Variants in CPEB3 observed in about 807,000 individuals in gnomAD.
CPEB3 encodes the protein cytoplasmic polyadenylation element binding protein 3.
Under a neutral mutation model 67.2 loss-of-function variants are expected in CPEB3, and 20 were observed. That is an observed-to-expected ratio of 0.30 (90% CI 0.21 to 0.43). CPEB3 has a LOEUF of 0.43. CPEB3 is among the 20% of genes least tolerant of loss of function. CPEB3 has a pLI of 1.00. For missense variants in CPEB3, 746 were observed against 968.6 expected (o/e 0.77, Z 3.05); for synonymous variants, 376 against 393.1 (o/e 0.96, Z 0.51).
At chr10:92,172,213 T>A (rs368760912) in intron 4 of CPEB3, among the ~76,000 whole-genome samples, 4 of 152,208 alleles carry the variant, frequency 2.6e-5, no homozygotes, top group South Asian at 4.2e-4. Flanking sequence ...AGTGATGGAT[T>A]TGGGGTTTAA....
intron 2 of CPEB3, among the ~76,000 whole-genome samples, chr10:92,222,030 G>C (rs1469373779): frequency 6.6e-6 from 1 of 152,028 alleles, no homozygotes; most frequent in Non-Finnish European, 1.5e-5. Flanking sequence ...CCCCATCGAA[G>C]ACGTTCACTT....
intron 1 of CPEB3, among the ~76,000 whole-genome samples, chr10:92,277,538 T>G (rs890736746): frequency 6.6e-6 from 1 of 152,224 alleles, no homozygotes; most frequent in Non-Finnish European, 1.5e-5. Context: ...TTGATTATTG[T>G]AGCTTAATAG....
At chr10:92,275,066 G>A (rs1331332260) in intron 1 of CPEB3, among the ~76,000 whole-genome samples, 1 of 152,150 alleles carries the variant, frequency 6.6e-6, no homozygotes. Context: ...CTGTTCCCAG[G>A]TTGATTCTCA....
In CPEB3 at chr10:92,141,862, C is replaced by CA. The variant is rs1224273923; in HGVS notation, c.1453+1166dup. ...TGAAACCCTGTCTCTACTAAAAATA[C>CA]AAAAAATGAGCCGGGCGTGGCGGCA... is the stretch of plus-strand genomic sequence containing the variant. On this transcript the variant is annotated intron_variant, in intron 6 of 9. Transcript: ENST00000265997. Among the ~76,000 whole-genome samples, 12 of 150,802 alleles carry CA rather than the reference C, an allele frequency of 8.0e-5. No homozygotes were observed. The East Asian group carries it at 2.3e-3, about 29-fold the overall frequency.
chr10:92,090,553 CA>C (rs1843571453), intron 8 of CPEB3, among the ~76,000 whole-genome samples: 1 of 152,086 alleles, frequency 6.6e-6, no homozygotes, highest in African/African-American at 2.4e-5. Context: ...AACAAACAAA[CA>C]AACAAAAAAA....
chr10:92,144,891 A>C, intron 5 of CPEB3, 54 bp downstream of exon 5: 1 of 1,545,258 alleles, frequency 6.5e-7, no homozygotes, highest in Non-Finnish European at 8.9e-7. Flanking sequence ...GCAGGGTCAG[A>C]ACACACAAAT....
At chr10:92,079,786 T>C (rs911128444) in intron 9 of CPEB3, among the ~76,000 whole-genome samples, 5 of 152,234 alleles carry the variant, frequency 3.3e-5, no homozygotes, top group African/African-American at 1.2e-4. Flanking sequence ...AGAGGATATT[T>C]AGTGAAACTT....
Position 92,251,890 on chromosome 10 carries a change from G to A in CPEB3, c.-11-11529C>T, listed in dbSNP as rs532313578. Among the ~76,000 whole-genome samples, 6 of 150,542 alleles carry A rather than the reference G, an allele frequency of 4.0e-5. No homozygotes were observed. In the South Asian group the frequency reaches 8.4e-4, roughly 21 times the overall value. On this transcript the variant is annotated intron_variant, in intron 1 of 9. Transcript: ENST00000265997. ...CAGGAGGGAGAGGTTGCAGTGAGCC[G>A]AGATCACGCCACTGCACTCCAGCCT...
intron 1 of CPEB3, among the ~76,000 whole-genome samples, chr10:92,246,698 C>T (rs1035133548): frequency 2.0e-5 from 3 of 151,738 alleles, no homozygotes; most frequent in South Asian, 2.1e-4. Flanking sequence ...TTAGTAGAGA[C>T]GGGGTTTCAC....
chr10:92,072,787 C>T (rs757521191), intron 9 of CPEB3, among the ~76,000 whole-genome samples: 3 of 152,152 alleles, frequency 2.0e-5, no homozygotes, highest in Non-Finnish European at 4.4e-5. Flanking sequence ...GTGACTGCCC[C>T]ACTCTATTAG....
intron 2 of CPEB3, among the ~76,000 whole-genome samples, chr10:92,235,261 T>TA (rs1252544711): frequency 3.9e-5 from 6 of 152,128 alleles, no homozygotes; most frequent in Non-Finnish European, 8.8e-5. Context: ...GCCTGACTAA[T>TA]AGGGCGAAAT....
At chr10:92,204,090 C>T (rs1056833446) in intron 2 of CPEB3, 9 of 152,212 alleles carry the variant, frequency 5.9e-5, no homozygotes, top group East Asian at 5.8e-4. Context: ...GCCCAGCTGA[C>T]CCCATTTATG....
At chr10:92,067,874 T>C (rs1245957947) in intron 9 of CPEB3, among the ~76,000 whole-genome samples, 3 of 152,166 alleles carry the variant, frequency 2.0e-5, no homozygotes, top group Admixed American at 1.3e-4. Context: ...GAAAACAGCT[T>C]TTCCACACCA....
intron 4 of CPEB3, among the ~76,000 whole-genome samples, chr10:92,162,699 T>G (rs1847547484): frequency 6.6e-6 from 1 of 152,218 alleles, no homozygotes; most frequent in Non-Finnish European, 1.5e-5. Flanking sequence ...CTCATGTTAA[T>G]GGCATGGTAC....
chr10:92,129,796 C>G (rs772489971), intron 6 of CPEB3, among the ~76,000 whole-genome samples: 1 of 152,156 alleles, frequency 6.6e-6, no homozygotes, highest in Non-Finnish European at 1.5e-5. Context: ...AATCCCAACA[C>G]TTTGGGAGGC....
intron 7 of CPEB3, among the ~76,000 whole-genome samples, chr10:92,096,585 T>G (rs777828844): frequency 3.3e-5 from 5 of 152,180 alleles, no homozygotes; most frequent in Non-Finnish European, 5.9e-5. Flanking sequence ...GAAATTATCC[T>G]GACATGATTC....
At chr10:92,157,904 CTAAAA>C (rs1847281915) in intron 4 of CPEB3, among the ~76,000 whole-genome samples, 1 of 151,696 alleles carries the variant, frequency 6.6e-6, no homozygotes, top group Admixed American at 6.6e-5. Context: ...AATTATTTTG[CTAAAA>C]TAATTAAGAT....
intron 8 of CPEB3, among the ~76,000 whole-genome samples, chr10:92,083,606 TAATGA>T (rs1338211906): frequency 6.6e-6 from 1 of 152,224 alleles, no homozygotes; most frequent in African/African-American, 2.4e-5. Flanking sequence ...TGAATGGGTT[TAATGA>T]AATAAGTAAC....
intron 2 of CPEB3, among the ~76,000 whole-genome samples, chr10:92,199,800 G>A (rs752485687): frequency 6.6e-6 from 1 of 151,294 alleles, no homozygotes; most frequent in Non-Finnish European, 1.5e-5. Flanking sequence ...GGTCCCTTCT[G>A]CACTATAAAC....
Sources: gnomAD v4.1 joint callset for allele counts (sites outside exome capture counted in the v4.1 genomes callset) on GRCh38, gnomAD v4.1.1 for gene constraint, MANE v1.5 for transcripts, NCBI Gene and HGNC (gene_info 2026-07-23, HGNC 2026-07-21) for gene names.